FBXL17: variants seen among roughly 807,000 people sequenced by gnomAD.
The protein encoded by FBXL17 is F-box/LRR-repeat protein 17.
A neutral mutation model predicts 66.2 loss-of-function variants in FBXL17; 22 were observed. The observed-to-expected ratio is 0.33, with a 90% CI of 0.24 to 0.47. FBXL17 has a LOEUF of 0.47. Ranked by LOEUF, FBXL17 falls within the 20% of genes least tolerant of loss-of-function variation. The probability of loss-of-function intolerance (pLI) is 1.00; values close to 1 mark genes in which losing one functional copy is unlikely to be tolerated. For synonymous variants in FBXL17, 474 were observed against 400.5 expected, an observed-to-expected ratio of 1.18 and a Z score of -2.19; for missense variants, 878 against 948.2, an observed-to-expected ratio of 0.93 and a Z score of 0.97.
At chr5:108,257,004 A>C (rs953309795) in intron 4 of FBXL17, among the ~76,000 whole-genome samples, 1 of 152,198 alleles carries the variant, frequency 6.6e-6, no homozygotes, top group South Asian at 2.1e-4. Flanking sequence ...ATAAATATTT[A>C]AATTGTTTTT....
At position 107,927,811 on chromosome 5, in the gene FBXL17, T is replaced by C. The variant is rs556471288; in HGVS notation, c.1823-46632A>G. ...TTTTCTTGCCATATGCTGACTGGTA[T>C]TCTACATGTGTTCCAAGAAGTTAAG... On this transcript the variant is annotated intron_variant, in intron 7 of 8. Transcript: ENST00000542267. Among the ~76,000 whole-genome samples the C allele has an allele frequency of 3.3e-5, 5 of 152,272 alleles. No individual in the cohort carries two copies. In the East Asian group the frequency reaches 7.7e-4, roughly 23 times the overall value.
chr5:108,320,598 T>G (rs759542654), intron 4 of FBXL17, among the ~76,000 whole-genome samples: 1 of 151,800 alleles, frequency 6.6e-6, no homozygotes, highest in Non-Finnish European at 1.5e-5. Flanking sequence ...TTTTGAGAAT[T>G]TTACATTTTA....
chr5:107,948,311 T>A (rs1346849868), intron 7 of FBXL17, among the ~76,000 whole-genome samples: 3 of 152,220 alleles, frequency 2.0e-5, no homozygotes, highest in African/African-American at 7.2e-5. Context: ...TTTGTATTTT[T>A]AATAATAATT....
intron 4 of FBXL17, among the ~76,000 whole-genome samples, chr5:108,319,781 A>G (rs774041668): frequency 6.6e-6 from 1 of 151,728 alleles, no homozygotes; most frequent in Non-Finnish European, 1.5e-5. Flanking sequence ...TATTAATATT[A>G]CTATAAAAAC....
intron 6 of FBXL17, among the ~76,000 whole-genome samples, chr5:108,048,420 T>C (rs571532651): frequency 2.2e-4 from 34 of 152,154 alleles, no homozygotes; most frequent in African/African-American, 7.9e-4. Flanking sequence ...CTGCAATGCC[T>C]CTCCAGCAAG....
intron 5 of FBXL17, among the ~76,000 whole-genome samples, chr5:108,207,061 T>C (rs1025277384): frequency 6.6e-6 from 1 of 152,036 alleles, no homozygotes; most frequent in African/African-American, 2.4e-5. Flanking sequence ...CAGTTAGGCA[T>C]GAGATTAATA....
intron 4 of FBXL17, among the ~76,000 whole-genome samples, chr5:108,326,240 TATATCAAA>T (rs1759843611): frequency 6.6e-6 from 1 of 151,972 alleles, no homozygotes; most frequent in Non-Finnish European, 1.5e-5. Context: ...CACAAGAACT[TATATCAAA>T]AATATAGAAC....
intron 6 of FBXL17, among the ~76,000 whole-genome samples, chr5:108,105,985 C>T (rs565065931): frequency 1.3e-5 from 2 of 152,138 alleles, no homozygotes; most frequent in Non-Finnish European, 2.9e-5. Context: ...GGATCATCGC[C>T]GGAAAGCAAG....
intron 4 of FBXL17, among the ~76,000 whole-genome samples, chr5:108,236,139 G>A (rs2150092863): frequency 6.6e-6 from 1 of 152,166 alleles, no homozygotes; most frequent in Middle Eastern, 3.4e-3. Context: ...TGAGCCCAGA[G>A]GTCGAGGCTG....
chr5:108,248,748 A>T (rs1295791509), intron 4 of FBXL17, among the ~76,000 whole-genome samples: 49 of 152,156 alleles, frequency 3.2e-4, no homozygotes, highest in Admixed American at 3.1e-3. Flanking sequence ...GAATGACATC[A>T]GATTTCTCAT....
intron 7 of FBXL17, among the ~76,000 whole-genome samples, chr5:107,988,494 C>T (rs976296786): frequency 6.6e-6 from 1 of 151,896 alleles, no homozygotes; most frequent in South Asian, 2.1e-4. Flanking sequence ...TAGTCCTTTT[C>T]TACGTTTAGT....
intron 6 of FBXL17, among the ~76,000 whole-genome samples, chr5:108,181,715 A>G (rs1458031436): frequency 1.3e-5 from 2 of 152,176 alleles, no homozygotes; most frequent in East Asian, 3.8e-4. Flanking sequence ...TCTTTGTAAT[A>G]GGTATTGTAT....
chr5:108,084,491 G>A (rs890178774), intron 6 of FBXL17, among the ~76,000 whole-genome samples: 25 of 152,166 alleles, frequency 1.6e-4, no homozygotes, highest in Admixed American at 1.5e-3. Context: ...GAGATAATAA[G>A]CCTGCAGGGC....
chr5:108,186,107 C>T lies in FBXL17; in HGVS notation c.1745+10G>A, dbSNP rs745785524. Reference sequence around the variant, plus strand: ...CTAGAAAAGTATTTTTAACATGTTACAATGGTTACCTGTCATTTATGATCC... The same window carrying T: ...CTAGAAAAGTATTTTTAACATGTTATAATGGTTACCTGTCATTTATGATCC... On this transcript the variant is annotated intron_variant, in intron 6 of 8. Coordinates refer to ENST00000542267, the MANE Select transcript of FBXL17 (RefSeq NM_001163315.3). The T allele has an allele frequency of 1.2e-6, 2 of 1,602,594 alleles. No individual in the cohort carries two copies. The highest frequency in any genetic ancestry group is 3.4e-5 in the Admixed American group (2 of 59,186).
At chr5:108,329,044 T>C (rs115758046) in intron 4 of FBXL17, among the ~76,000 whole-genome samples, 3,185 of 152,230 alleles carry the variant, frequency 0.021, 57 homozygotes, top group Middle Eastern at 0.031. Flanking sequence ...CTTTTCATTA[T>C]ACCACAATTG....
rs1758267335 is a variant in FBXL17 at position 108,294,548 on chromosome 5, G to A, written c.1506+53851C>T. On this transcript the variant is annotated intron_variant, in intron 4 of 8. Transcript: ENST00000542267. Reference sequence around the variant, plus strand: ...GTTCAGAAGTTTATATCCCAACAGAGGCTTTTAAACTTCATCTTACAATGC... The same window carrying A: ...GTTCAGAAGTTTATATCCCAACAGAAGCTTTTAAACTTCATCTTACAATGC... Among the ~76,000 whole-genome samples the A allele has an allele frequency of 2.0e-5, 3 of 151,722 alleles. No individual in the cohort carries two copies. In the South Asian group the frequency reaches 6.2e-4, roughly 31 times the overall value.
chr5:108,207,490 C>G (rs1448105967), intron 5 of FBXL17, among the ~76,000 whole-genome samples: 1 of 152,092 alleles, frequency 6.6e-6, no homozygotes, highest in African/African-American at 2.4e-5. Context: ...GCACCCCAGC[C>G]CCCAACAGGC....
intron 6 of FBXL17, among the ~76,000 whole-genome samples, chr5:108,118,722 AGTCC>A (rs1477291350): frequency 1.3e-5 from 2 of 152,190 alleles, no homozygotes; most frequent in African/African-American, 4.8e-5. Context: ...TAATATCCAT[AGTCC>A]TTCATGCTCC....
In FBXL17 at chr5:108,061,546, G is replaced by A. The variant is rs1016776737; in HGVS notation, c.1746-40545C>T. ...CACAAATCGTTCAAAAGTTGACCCT[G>A]ACAACACTTTTTCCCACTCAATATT... On this transcript the variant is annotated intron_variant, in intron 6 of 8. Coordinates refer to ENST00000542267, the MANE Select transcript of FBXL17 (RefSeq NM_001163315.3). 4.3e-4 allele frequency among the ~76,000 whole-genome samples: 65 copies of A among 152,012 alleles called. 1 individual carries two copies. The highest frequency in any genetic ancestry group is 1.6e-4 in the Non-Finnish European group (11 of 68,004).
Sources: gnomAD v4.1 joint callset for allele counts (sites outside exome capture counted in the v4.1 genomes callset) on GRCh38, gnomAD v4.1.1 for gene constraint, MANE v1.5 for transcripts, NCBI Gene and HGNC (gene_info 2026-07-23, HGNC 2026-07-21) for gene names.